FOXO1: variants seen among roughly 807,000 people sequenced by gnomAD.
FOXO1 encodes the protein forkhead box O1.
Under a neutral mutation model 44.1 loss-of-function variants are expected in FOXO1, and 6 were observed. The observed-to-expected ratio is 0.14, with a 90% CI of 0.07 to 0.27. FOXO1 has a LOEUF of 0.27. Among genes scored for constraint, FOXO1 ranks in the 10% least tolerant of loss-of-function variants. The pLI is 1.00. For synonymous variants in FOXO1, 380 were observed against 362.7 expected (o/e 1.05, Z -0.54); for missense variants, 737 against 888.8 (o/e 0.83, Z 2.17).
At chr13:40,649,106 T>C (rs991291859) in intron 1 of FOXO1, among the ~76,000 whole-genome samples, 1 of 152,118 alleles carries the variant, frequency 6.6e-6, no homozygotes. Flanking sequence ...TAAAAGTCAA[T>C]GTCATTTTAA....
chr13:40,645,318 G>A (rs936499351), intron 1 of FOXO1, among the ~76,000 whole-genome samples: 4 of 152,136 alleles, frequency 2.6e-5, no homozygotes, highest in Non-Finnish European at 4.4e-5. Context: ...TAAAACTATG[G>A]TAAGACAAAC....
At chr13:40,580,619 T>C (rs887685905) in intron 1 of FOXO1, among the ~76,000 whole-genome samples, 6 of 152,058 alleles carry the variant, frequency 3.9e-5, no homozygotes, top group Non-Finnish European at 8.8e-5. Context: ...GGGCACAAAA[T>C]CTCAAGCAAA....
At chr13:40,562,528 T>C (rs1593378863) in intron 1 of FOXO1, among the ~76,000 whole-genome samples, 1 of 152,174 alleles carries the variant, frequency 6.6e-6, no homozygotes, top group African/African-American at 2.4e-5. Context: ...CTAAATGAGA[T>C]ACATAAAAAT....
chr13:40,607,883 A>T (rs146281636), intron 1 of FOXO1, among the ~76,000 whole-genome samples: 55 of 152,368 alleles, frequency 3.6e-4, no homozygotes, highest in African/African-American at 1.3e-3. Context: ...AACAGGTTAC[A>T]TGAATTGCCT....
In FOXO1 at chr13:40,557,294, T is replaced by G. The variant is rs1434005066; in HGVS notation, c.*1755A>C. On this transcript the variant is annotated 3_prime_UTR_variant, in exon 3 of 3. Transcript: ENST00000379561. ...TTTCCACATGACTTGAAAATACTGATGGACTAAATAGGACACAAAGCCAAT... is the reference window on the plus strand; with the variant it reads ...TTTCCACATGACTTGAAAATACTGAGGGACTAAATAGGACACAAAGCCAAT... 2.0e-5 allele frequency: 3 copies of G among 152,204 alleles called. No homozygotes were observed. Among genetic ancestry groups the G allele is most frequent in the Non-Finnish European group, 2.9e-5 (2 of 68,042 alleles). The allele number at this position is 152,204 out of a possible 1,614,324, so 9.4% of individuals were successfully genotyped here.
chr13:40,606,466 C>T (rs1301519695), intron 1 of FOXO1, among the ~76,000 whole-genome samples: 1 of 152,106 alleles, frequency 6.6e-6, no homozygotes, highest in Non-Finnish European at 1.5e-5. Context: ...CGTGCCACCA[C>T]CACACCTGGC....
In FOXO1 at chr13:40,556,761, T is replaced by C. The variant is rs1173222889; in HGVS notation, c.*2288A>G. The stretch of plus-strand genomic sequence containing the variant: ...TTTTCCTAAGAGCTACTCCATGAAG[T>C]AGTAAGATTTTAACAGTGATTTTGG... On this transcript the variant is annotated 3_prime_UTR_variant, in exon 3 of 3. Transcript: ENST00000379561. 1 of 152,156 alleles carries C rather than the reference T, an allele frequency of 6.6e-6. No homozygotes were observed. The highest frequency in any genetic ancestry group is 2.4e-5 in the African/African-American group (1 of 41,428). The allele number at this position is 152,156 out of a possible 1,614,324, so 9.4% of individuals were successfully genotyped here.
intron 1 of FOXO1, among the ~76,000 whole-genome samples, chr13:40,610,336 A>G (rs1369299215): frequency 6.6e-6 from 1 of 152,208 alleles, no homozygotes. Flanking sequence ...TAAAACCAGC[A>G]AGCAATAATT....
intron 1 of FOXO1, among the ~76,000 whole-genome samples, chr13:40,572,835 G>C (rs922379674): frequency 1.3e-5 from 2 of 152,148 alleles, no homozygotes; most frequent in Admixed American, 1.3e-4. Context: ...AGACACAGTA[G>C]GTCTGCTGCG....
At chr13:40,610,062 G>A (rs967660882) in intron 1 of FOXO1, among the ~76,000 whole-genome samples, 2 of 151,980 alleles carry the variant, frequency 1.3e-5, no homozygotes, top group African/African-American at 4.8e-5. Context: ...TGTATTCGAC[G>A]TAACTGCTTT....
At chr13:40,594,359 G>A (rs1875497506) in intron 1 of FOXO1, among the ~76,000 whole-genome samples, 1 of 152,116 alleles carries the variant, frequency 6.6e-6, no homozygotes, top group African/African-American at 2.4e-5. Flanking sequence ...GAGCTGGCCA[G>A]AGAATGCAAA....
chr13:40,602,784 T>C (rs1593395693), intron 1 of FOXO1, among the ~76,000 whole-genome samples: 2 of 152,184 alleles, frequency 1.3e-5, no homozygotes, highest in Non-Finnish European at 2.9e-5. Flanking sequence ...TGTCAGAGAT[T>C]TAGGTATAGG....
At chr13:40,636,975 G>A (rs1248319390) in intron 1 of FOXO1, among the ~76,000 whole-genome samples, 1 of 152,084 alleles carries the variant, frequency 6.6e-6, no homozygotes, top group Non-Finnish European at 1.5e-5. Context: ...AATTTATGTA[G>A]CTCTCATAAC....
intron 1 of FOXO1, among the ~76,000 whole-genome samples, chr13:40,610,582 T>C (rs1014605145): frequency 1.3e-5 from 2 of 152,206 alleles, no homozygotes; most frequent in African/African-American, 4.8e-5. Flanking sequence ...AGGAAATACA[T>C]CATGGCTCAT....
intron 1 of FOXO1, among the ~76,000 whole-genome samples, chr13:40,636,306 C>T (rs1161515281): frequency 2.0e-5 from 3 of 152,098 alleles, no homozygotes; most frequent in Admixed American, 1.3e-4. Context: ...GGGTCCTCTA[C>T]CTCTCTGGGT....
chr13:40,578,503 C>A lies in FOXO1; in HGVS notation c.631-17643G>T, dbSNP rs150407694. Among the ~76,000 whole-genome samples, 228 of 152,296 alleles carry A rather than the reference C, an allele frequency of 1.5e-3. 2 individuals are homozygous for A. The highest frequency in any genetic ancestry group is 5.2e-3 in the African/African-American group (217 of 41,550). ...GTCTTTATTCCCAAAGCATCCCCAGCCACTGACTGTGTATCAGCATCCTCT... is the reference window on the plus strand; with the variant it reads ...GTCTTTATTCCCAAAGCATCCCCAGACACTGACTGTGTATCAGCATCCTCT... On this transcript the variant is annotated intron_variant, in intron 1 of 2. Coordinates refer to ENST00000379561, the MANE Select transcript of FOXO1 (RefSeq NM_002015.4).
At chr13:40,587,881 T>C (rs142105706) in intron 1 of FOXO1, among the ~76,000 whole-genome samples, 325 of 152,358 alleles carry the variant, frequency 2.1e-3, no homozygotes, top group African/African-American at 7.6e-3. Flanking sequence ...ATGGTGGTAA[T>C]GGGTCTCTGC....
At chr13:40,633,805 A>G (rs913625417) in intron 1 of FOXO1, among the ~76,000 whole-genome samples, 7 of 152,232 alleles carry the variant, frequency 4.6e-5, no homozygotes, top group Admixed American at 3.3e-4. Flanking sequence ...TTCTTTATCC[A>G]TTTCATACTA....
At chr13:40,659,779 C>T (rs1366624785) in intron 1 of FOXO1, among the ~76,000 whole-genome samples, 3 of 152,102 alleles carry the variant, frequency 2.0e-5, no homozygotes, top group Admixed American at 1.3e-4. Flanking sequence ...TGATAAACCA[C>T]AGGGAGAAGA....
Sources: gnomAD v4.1 joint callset for allele counts (sites outside exome capture counted in the v4.1 genomes callset) on GRCh38, gnomAD v4.1.1 for gene constraint, MANE v1.5 for transcripts, NCBI Gene and HGNC (gene_info 2026-07-23, HGNC 2026-07-21) for gene names.